PRKCH: variants seen among roughly 807,000 people sequenced by gnomAD.
PRKCH encodes protein kinase C eta type.
PRKCH carries 28 observed loss-of-function variants against 82.5 expected under a neutral mutation model. The ratio of observed to expected loss-of-function variants is 0.34; its 90% CI spans 0.25 to 0.47. PRKCH has a LOEUF of 0.47. PRKCH is among the 20% of genes least tolerant of loss of function. The pLI is 1.00. For missense variants in PRKCH, 705 were observed against 881.8 expected (o/e 0.80, Z 2.54); for synonymous variants, 322 against 327.4 (o/e 0.98, Z 0.18).
At chr14:61,259,000 A>C (rs2045022678) in intron 1 of PRKCH, among the ~76,000 whole-genome samples, 1 of 152,158 alleles carries the variant, frequency 6.6e-6, no homozygotes, top group Admixed American at 6.6e-5. Flanking sequence ...ACTTTTGCCA[A>C]GTTCACGAAG....
chr14:61,315,941 T>C (rs570861547), intron 1 of PRKCH, among the ~76,000 whole-genome samples: 1 of 151,942 alleles, frequency 6.6e-6, no homozygotes, highest in South Asian at 2.1e-4. Flanking sequence ...AGAGATGGGG[T>C]TTCATCATGT....
intron 1 of PRKCH, among the ~76,000 whole-genome samples, chr14:61,189,052 A>T (rs1189334791): frequency 5.3e-5 from 8 of 152,166 alleles, no homozygotes; most frequent in Admixed American, 5.2e-4. Flanking sequence ...AAGCAATAGT[A>T]CATAAAACAA....
chr14:61,477,932 T>C (rs1885801421), intron 9 of PRKCH, among the ~76,000 whole-genome samples: 1 of 152,000 alleles, frequency 6.6e-6, no homozygotes, highest in Non-Finnish European at 1.5e-5. Flanking sequence ...CACTTGTGAG[T>C]GTGTGTGTAC....
intron 2 of PRKCH, among the ~76,000 whole-genome samples, chr14:61,396,081 GAAAAAAA>G (rs34478520): frequency 1.7e-5 from 2 of 120,564 alleles, no homozygotes; most frequent in Admixed American, 8.4e-5. Context: ...CCTTGTTTCA[GAAAAAAA>G]AAAAAAAAAA....
At chr14:61,461,947 C>T (rs1000683108) in intron 9 of PRKCH, among the ~76,000 whole-genome samples, 1 of 152,164 alleles carries the variant, frequency 6.6e-6, no homozygotes, top group African/African-American at 2.4e-5. Flanking sequence ...AGGTGGCAGT[C>T]ATTACCGCAA....
At chr14:61,400,783 C>T (rs1881566172) in intron 2 of PRKCH, among the ~76,000 whole-genome samples, 2 of 152,108 alleles carry the variant, frequency 1.3e-5, no homozygotes, top group African/African-American at 4.8e-5. Flanking sequence ...TCCATTTTCT[C>T]TCTATAACAA....
At chr14:61,404,895 G>C (rs1053340360) in intron 2 of PRKCH, among the ~76,000 whole-genome samples, 4 of 152,058 alleles carry the variant, frequency 2.6e-5, no homozygotes, top group Non-Finnish European at 5.9e-5. Context: ...GTCAGGGGAG[G>C]TGCCCACATG....
At chr14:61,390,189 G>A (rs905974039) in intron 1 of PRKCH, among the ~76,000 whole-genome samples, 1 of 152,198 alleles carries the variant, frequency 6.6e-6, no homozygotes, top group African/African-American at 2.4e-5. Context: ...TAAGCTAGTG[G>A]TGATCAGAAC....
chr14:61,488,156 A>C lies in PRKCH; in HGVS notation c.1433+2500A>C, dbSNP rs1156493826. ...GCGACAGCGAGACTCCGTCTCAAAA[A>C]AAAAAAAAAGAAAAAAATTCGGCAG... On this transcript the variant is annotated intron_variant, in intron 10 of 13. Transcript: ENST00000332981. Among the ~76,000 whole-genome samples the C allele has an allele frequency of 1.9e-3, 295 of 152,064 alleles. 4 individuals carry two copies. Among genetic ancestry groups the C allele is most frequent in the African/African-American group, 6.7e-3 (278 of 41,514 alleles).
At position 61,469,474 on chromosome 14, in the gene PRKCH, G is replaced by A. The variant is rs144242526; in HGVS notation, c.1278+11795G>A. On this transcript the variant is annotated intron_variant, in intron 9 of 13. Coordinates refer to ENST00000332981, the MANE Select transcript of PRKCH (RefSeq NM_006255.5). ...AACTGATTGCTTTAAGCAGCCCCTC[G>A]GGTGTGGGCTGCAGATGGTTCCCTA... Among the ~76,000 whole-genome samples, 656 of 152,256 alleles carry A rather than the reference G, an allele frequency of 4.3e-3. 3 individuals carry two copies. The highest frequency in any genetic ancestry group is 7.0e-3 in the Non-Finnish European group (477 of 68,014).
At chr14:61,521,775 G>C (rs1047205883) in intron 10 of PRKCH, among the ~76,000 whole-genome samples, 3 of 152,034 alleles carry the variant, frequency 2.0e-5, no homozygotes, top group African/African-American at 7.3e-5. Context: ...GGCCCATATG[G>C]AGGCAAAAGA....
intron 2 of PRKCH, among the ~76,000 whole-genome samples, chr14:61,439,519 G>A (rs998645579): frequency 6.6e-6 from 1 of 152,228 alleles, no homozygotes; most frequent in African/African-American, 2.4e-5. Flanking sequence ...CCATGTCCCT[G>A]TATGAAAGTG....
intron 1 of PRKCH, among the ~76,000 whole-genome samples, chr14:61,241,058 G>A (rs1261923561): frequency 2.6e-5 from 4 of 152,228 alleles, no homozygotes; most frequent in Admixed American, 1.3e-4. Context: ...CCAGTTGCAA[G>A]TCTGGGTCTC....
chr14:61,276,915 G>A (rs1326388819), intron 1 of PRKCH, among the ~76,000 whole-genome samples: 1 of 152,092 alleles, frequency 6.6e-6, no homozygotes, highest in East Asian at 1.9e-4. Context: ...CGGGTTTGGT[G>A]GCTCACACCT....
intron 2 of PRKCH, among the ~76,000 whole-genome samples, chr14:61,415,695 T>A (rs1353219481): frequency 6.6e-6 from 1 of 152,202 alleles, no homozygotes; most frequent in Non-Finnish European, 1.5e-5. Context: ...CACATAAAAA[T>A]CTACCTTCTG....
chr14:61,201,637 A>G (rs1594849446), intron 1 of PRKCH, among the ~76,000 whole-genome samples: 1 of 152,232 alleles, frequency 6.6e-6, no homozygotes, highest in Non-Finnish European at 1.5e-5. Flanking sequence ...CATATTTCTC[A>G]GTAAAAGATA....
At chr14:61,526,593 A>G (rs1225368004) in intron 10 of PRKCH, among the ~76,000 whole-genome samples, 1 of 152,078 alleles carries the variant, frequency 6.6e-6, no homozygotes, top group African/African-American at 2.4e-5. Context: ...GTCATCACCT[A>G]CCTCCTCCAA....
intron 1 of PRKCH, among the ~76,000 whole-genome samples, chr14:61,389,248 GC>G (rs1159180904): frequency 6.6e-6 from 1 of 152,142 alleles, no homozygotes; most frequent in Non-Finnish European, 1.5e-5. Flanking sequence ...TACTTGGGGG[GC>G]TGAGGCAGGA....
chr14:61,375,397 A>G (rs572393163), intron 1 of PRKCH, among the ~76,000 whole-genome samples: 2 of 152,208 alleles, frequency 1.3e-5, no homozygotes, highest in South Asian at 2.1e-4. Flanking sequence ...AGTTGCTACC[A>G]TACTTTTCAG....
Sources: allele counts gnomAD v4.1 joint callset (sites outside exome capture counted in the v4.1 genomes callset), GRCh38; gene constraint gnomAD v4.1.1; transcripts MANE v1.5; gene names NCBI Gene and HGNC (gene_info 2026-07-23, HGNC 2026-07-21).